Variants in SEMA4G observed in about 807,000 individuals in gnomAD.
SEMA4G encodes semaphorin-4G.
A neutral mutation model predicts 81.2 loss-of-function variants in SEMA4G; 59 were observed. The observed-to-expected ratio is 0.73, with a 90% confidence interval of 0.59 to 0.90. SEMA4G has a LOEUF of 0.90. Ranked by LOEUF, SEMA4G falls within the 40% of genes least tolerant of loss-of-function variation. The probability of loss-of-function intolerance (pLI) is 0.00; values close to 1 mark genes in which losing one functional copy is unlikely to be tolerated. For synonymous variants in SEMA4G, 404 were observed against 433.9 expected (o/e 0.93, Z 0.86); for missense variants, 952 against 1,102.3 (o/e 0.86, Z 1.93).
chr10:100,975,877 G>A (rs909510820), intron 3 of SEMA4G, among the ~76,000 whole-genome samples: 2 of 151,944 alleles, frequency 1.3e-5, no homozygotes, highest in African/African-American at 2.4e-5. Flanking sequence ...CCAACCTAGC[G>A]GCAGAGCAAG....
At chr10:100,983,770 G>A (rs531476226) in exon 14 of SEMA4G, 20 of 1,609,794 alleles carry the variant, frequency 1.2e-5, no homozygotes, top group East Asian at 4.5e-5. Flanking sequence ...CGGGCCAGCC[G>A]GGCAGGAGGA....
At chr10:100,983,353 T>C in exon 14 of SEMA4G, 2 of 1,599,130 alleles carry the variant, frequency 1.3e-6, no homozygotes, top group Non-Finnish European at 1.7e-6. Flanking sequence ...GGTGATGATG[T>C]CCTCCTGCCC....
chr10:100,983,725 G>A (rs774916385), exon 14 of SEMA4G: 1 of 1,613,456 alleles, frequency 6.2e-7, no homozygotes, highest in South Asian at 1.1e-5. Context: ...CTGCGGGAAG[G>A]CAGACGAGGG....
exon 14 of SEMA4G, chr10:100,984,146 A>AG: frequency 6.3e-7 from 1 of 1,592,596 alleles, no homozygotes; most frequent in Non-Finnish European, 8.5e-7. Context: ...AGCCTCCCAG[A>AG]ACAAATGCTC....
chr10:100,984,919 T>C, downstream of SEMA4G: 1 of 1,449,170 alleles, frequency 6.9e-7, no homozygotes, highest in Non-Finnish European at 9.1e-7. Flanking sequence ...GCATGTCCCA[T>C]CCCCATGCAC....
chr10:100,980,205 C>T (rs1221818105), exon 10 of SEMA4G: 1 of 1,614,130 alleles, frequency 6.2e-7, no homozygotes, highest in Non-Finnish European at 8.5e-7. Context: ...TAAAGTTGCA[C>T]CCACTGATGG....
In SEMA4G at chr10:100,979,949, G is replaced by A; in HGVS notation, c.1085G>A (p.Trp362Ter). ...GAATACCAGGATGGTTCCCGGCGCTGGGGTCGCTATGAGGGTGGGGTGCCT... is the reference window on the plus strand; with the variant it reads ...GAATACCAGGATGGTTCCCGGCGCTAGGGTCGCTATGAGGGTGGGGTGCCT... Residue 362 changes from tryptophan to a stop codon, truncating the protein, a stop_gained, in exon 9 of 14, where the codon TGG (tryptophan) becomes TAG (stop). Coordinates refer to ENST00000370250, the Ensembl canonical transcript of SEMA4G. LOFTEE classifies it high-confidence loss of function. 6.2e-7 allele frequency: 1 copy of A among 1,614,136 alleles called. No homozygotes were observed. Among genetic ancestry groups the A allele is most frequent in the Non-Finnish European group, 8.5e-7 (1 of 1,180,018 alleles).
At chr10:100,969,902 G>C (rs1231401511), upstream of SEMA4G, 2 of 455,912 alleles carry the variant, frequency 4.4e-6, no homozygotes, top group Non-Finnish European at 8.8e-6. Flanking sequence ...GCTTGTCCTC[G>C]AGCTGCAGCA....
chr10:100,969,814 G>T, upstream of SEMA4G: 1 of 448,988 alleles, frequency 2.2e-6, no homozygotes, highest in South Asian at 1.6e-5. Flanking sequence ...GGACCAGCGC[G>T]GGGAGGGGGC....
upstream of SEMA4G, among the ~76,000 whole-genome samples, chr10:100,971,983 A>C (rs1471227452): frequency 6.6e-6 from 1 of 152,210 alleles, no homozygotes; most frequent in East Asian, 1.9e-4. Flanking sequence ...GGTGCAATAC[A>C]GACTGGCGTG....
chr10:100,980,749 G>C, intron 11 of SEMA4G, 56 bp downstream of exon 12: 2 of 1,606,392 alleles, frequency 1.2e-6, no homozygotes, highest in Non-Finnish European at 1.7e-6. Context: ...AGAGGGAGTG[G>C]GGAGGTTGGG....
chr10:100,970,419 C>T (rs1850597929), upstream of SEMA4G, among the ~76,000 whole-genome samples: 1 of 152,004 alleles, frequency 6.6e-6, no homozygotes, highest in African/African-American at 2.4e-5. Context: ...GCGTTCCATT[C>T]CATCTTTGCT....
intron 13 of SEMA4G, chr10:100,981,660 A>G: frequency 2.3e-6 from 3 of 1,285,340 alleles, no homozygotes; most frequent in Non-Finnish European, 3.3e-6. Context: ...CAGCATTCTT[A>G]TGAGAAAGGT....
At chr10:100,983,148 C>A (rs1851197887) in intron 13 of SEMA4G, among the ~76,000 whole-genome samples, 157 bp from the exon 15 acceptor site, 4 of 152,222 alleles carry the variant, frequency 2.6e-5, no homozygotes, top group Admixed American at 2.0e-4. Context: ...CAACGTGAAC[C>A]TTCTGTGGAA....
exon 5 of SEMA4G, chr10:100,978,372 C>T: frequency 6.2e-7 from 1 of 1,613,278 alleles, no homozygotes; most frequent in African/African-American, 1.3e-5. Context: ...CCCGTGGCTT[C>T]ACAGGCCTCA....
intron 3 of SEMA4G, among the ~76,000 whole-genome samples, chr10:100,977,122 G>C (rs1850830785): frequency 6.6e-6 from 1 of 152,180 alleles, no homozygotes; most frequent in South Asian, 2.1e-4. Context: ...TGGATAAACA[G>C]GTTTAGGAAA....
In SEMA4G at chr10:100,980,204, AC is replaced by A; in HGVS notation, c.1214del (p.Pro405HisfsTer2). The A allele has an allele frequency of 6.2e-7, 1 of 1,614,196 alleles. No individual in the cohort carries two copies. Among genetic ancestry groups the A allele is most frequent in the South Asian group, 1.1e-5 (1 of 91,084 alleles). ...CTGGTCCTGGACTTTGTAAAGTTGC[AC>A]CCACTGATGGCTCGGCCCGTTGTGC... On this transcript the variant is annotated frameshift_variant, in exon 10 of 14. Coordinates refer to ENST00000370250, the Ensembl canonical transcript of SEMA4G. LOFTEE classifies it high-confidence loss of function.
chr10:100,983,219 G>A (rs1851201835), intron 13 of SEMA4G, 86 bp from the exon 15 acceptor site: 1 of 1,395,744 alleles, frequency 7.2e-7, no homozygotes, highest in South Asian at 1.5e-5. Context: ...CTTGGTGCCA[G>A]GGACTTGGCA....
chr10:100,974,977 G>A, intron 3 of SEMA4G: 1 of 525,556 alleles, frequency 1.9e-6, no homozygotes, highest in South Asian at 1.4e-5. Flanking sequence ...AAATTCCCAA[G>A]ATCCACTGGG....
Sources: allele counts gnomAD v4.1 joint callset (sites outside exome capture counted in the v4.1 genomes callset), GRCh38; gene constraint gnomAD v4.1.1; transcripts MANE v1.5; gene names NCBI Gene and HGNC (gene_info 2026-07-23, HGNC 2026-07-21).